Variants in MASP1 observed in about 807,000 individuals in gnomAD.
MASP1 encodes the protein MBL associated serine protease 1.
A neutral mutation model predicts 77.1 loss-of-function variants in MASP1; 59 were observed. The observed-to-expected ratio is 0.77, with a 90% CI of 0.62 to 0.95. The LOEUF (loss-of-function observed/expected upper bound fraction) is 0.95. Among genes scored for constraint, MASP1 ranks in the 40% least tolerant of loss-of-function variants. The pLI, the probability that MASP1 is intolerant of heterozygous loss-of-function variation, is 0.00. For synonymous variants in MASP1, 362 were observed against 354.5 expected (o/e 1.02, Z -0.24); for missense variants, 885 against 912.9 (o/e 0.97, Z 0.39).
intron 8 of MASP1, among the ~76,000 whole-genome samples, chr3:187,248,172 T>C (rs1403901814): frequency 6.6e-6 from 1 of 152,208 alleles, no homozygotes; most frequent in Non-Finnish European, 1.5e-5. Flanking sequence ...TAGGGTCATA[T>C]CAGGGAAACA....
rs1713188106 is a variant in MASP1, at chr3:187,236,419, C to T, written c.1452G>A (p.Gly484=). ...RVPNDKWFGS[G]ALLSASWILT... ...GGATCCAGGACGCAGAGAGCAGGGC[C>T]CCACTCCCAAACCACTTGTCATTTG... The change falls in exon 11 of 11, where the codon GGG becomes GGA. Residue 484 remains glycine, a synonymous_variant. Coordinates refer to ENST00000296280, the MANE Select transcript of MASP1 (RefSeq NM_139125.4). The T allele has an allele frequency of 6.2e-7, 1 of 1,614,200 alleles. No individual in the cohort carries two copies. Among genetic ancestry groups the T allele is most frequent in the African/African-American group, 1.3e-5 (1 of 75,042 alleles).
intron 2 of MASP1, among the ~76,000 whole-genome samples, chr3:187,270,368 A>G (rs145564761): frequency 3.9e-5 from 6 of 152,280 alleles, no homozygotes; most frequent in East Asian, 3.9e-4. Context: ...TAGAGTTCCA[A>G]TTGGGATCTT....
intron 6 of MASP1, among the ~76,000 whole-genome samples, chr3:187,252,592 G>A (rs905117106): frequency 6.6e-6 from 1 of 152,202 alleles, no homozygotes; most frequent in African/African-American, 2.4e-5. Flanking sequence ...GTCATGCCCA[G>A]CTGCGATCTT....
At chr3:187,232,657 C>T (rs374453061), downstream of MASP1, among the ~76,000 whole-genome samples, 24 of 152,312 alleles carry the variant, frequency 1.6e-4, no homozygotes, top group African/African-American at 5.5e-4. Context: ...AGTGATGTGT[C>T]TCCCCGACTC....
intron 5 of MASP1, among the ~76,000 whole-genome samples, chr3:187,255,108 G>T (rs1714961680): frequency 6.6e-6 from 1 of 152,142 alleles, no homozygotes. Flanking sequence ...TTATTCATTA[G>T]TTGACCTAAA....
chr3:187,276,837 C>T (rs905615506), intron 2 of MASP1: 1 of 152,136 alleles, frequency 6.6e-6, no homozygotes, highest in Non-Finnish European at 1.5e-5. Flanking sequence ...TTTCTCATTT[C>T]CTTCTGGGGC....
chr3:187,231,558 C>G (rs559056624), downstream of MASP1, among the ~76,000 whole-genome samples: 1 of 152,220 alleles, frequency 6.6e-6, no homozygotes, highest in Non-Finnish European at 1.5e-5. Flanking sequence ...TAAAATGTCT[C>G]TGAGACCATA....
chr3:187,223,250 G>T, intron 13 of MASP1: 1 of 1,401,440 alleles, frequency 7.1e-7, no homozygotes, highest in South Asian at 1.2e-5. Context: ...GTGTTTGGAG[G>T]GGTGCAGCTT....
intron 2 of MASP1, 105 bp downstream of exon 2, chr3:187,285,720 G>T (rs1310335875): frequency 2.3e-6 from 2 of 869,324 alleles, no homozygotes; most frequent in Non-Finnish European, 3.9e-6. Context: ...GTGATGTTGT[G>T]TGTCTCTCTT....
chr3:187,243,900 G>T (rs1357200656), intron 8 of MASP1: 2 of 481,800 alleles, frequency 4.2e-6, no homozygotes, highest in Non-Finnish European at 7.6e-6. Context: ...GTCTACTGAG[G>T]TTTAAGCAGA....
chr3:187,267,867 A>G (rs1716171888), intron 2 of MASP1, among the ~76,000 whole-genome samples: 1 of 151,854 alleles, frequency 6.6e-6, no homozygotes, highest in East Asian at 1.9e-4. Flanking sequence ...AATCCTTTAA[A>G]TCCCCATTTC....
intron 5 of MASP1, among the ~76,000 whole-genome samples, chr3:187,256,429 T>A (rs1715080654): frequency 6.6e-6 from 1 of 152,202 alleles, no homozygotes. Flanking sequence ...AAATGCAGAT[T>A]CACGACTCTC....
chr3:187,279,107 C>A (rs974233555), intron 2 of MASP1, among the ~76,000 whole-genome samples: 1 of 152,144 alleles, frequency 6.6e-6, no homozygotes, highest in South Asian at 2.1e-4. Context: ...ATACACTTTG[C>A]GTGTTAAATA....
chr3:187,235,453 C>T lies in MASP1; in HGVS notation c.*231G>A, dbSNP rs1169103226. 6.6e-7 allele frequency: 1 copy of T among 1,513,736 alleles called. No homozygotes were observed. The highest frequency in any genetic ancestry group is 2.5e-5 in the East Asian group (1 of 39,420). 93.8% of individuals were successfully genotyped at this position (1,513,736 alleles called of 1,614,324 possible). ...TTGTATTACTCGGTAGAGTGAGGCC[C>T]AGACAGGGAAAGAGACTTGGACAAG... On this transcript the variant is annotated 3_prime_UTR_variant, in exon 11 of 11. Transcript: ENST00000296280.
chr3:187,244,558 G>A (rs548188379), intron 8 of MASP1: 1 of 152,226 alleles, frequency 6.6e-6, no homozygotes, highest in African/African-American at 2.4e-5. Context: ...CAGCTGGAAA[G>A]AAACCTGAAG....
At chr3:187,224,622 A>C (rs539167354) in intron 13 of MASP1, among the ~76,000 whole-genome samples, 17 of 152,144 alleles carry the variant, frequency 1.1e-4, no homozygotes, top group Non-Finnish European at 1.9e-4. Flanking sequence ...CTGGGATTAC[A>C]GGCGTGAGCC....
intron 2 of MASP1, among the ~76,000 whole-genome samples, chr3:187,282,509 A>AG (rs1560036755): frequency 1.6e-4 from 20 of 123,446 alleles, no homozygotes; most frequent in Non-Finnish European, 2.7e-4. Flanking sequence ...AAAAAAAAAA[A>AG]AAAGAAGAAG....
chr3:187,282,495 CAAAA>C (rs113211164), intron 2 of MASP1, among the ~76,000 whole-genome samples: 5 of 131,096 alleles, frequency 3.8e-5, no homozygotes, highest in African/African-American at 1.5e-4. Context: ...GATTCCGTTT[CAAAA>C]AAAAAAAAAA....
intron 12 of MASP1, among the ~76,000 whole-genome samples, chr3:187,225,916 C>T (rs889611090): frequency 3.9e-5 from 6 of 152,170 alleles, no homozygotes; most frequent in African/African-American, 1.2e-4. Context: ...GGCTACTTTC[C>T]GTTAGAGGTC....
Sources: allele counts gnomAD v4.1 joint callset (sites outside exome capture counted in the v4.1 genomes callset), GRCh38; gene constraint gnomAD v4.1.1; transcripts MANE v1.5; gene names NCBI Gene and HGNC (gene_info 2026-07-23, HGNC 2026-07-21).